Variants in DIAPH2 observed in about 807,000 individuals in gnomAD.
The protein encoded by DIAPH2 is protein diaphanous homolog 2.
DIAPH2 carries 35 observed loss-of-function variants against 92.7 expected under a neutral mutation model. The ratio of observed to expected loss-of-function variants is 0.38; its 90% CI spans 0.29 to 0.50. The LOEUF is 0.50. DIAPH2 is among the 20% of genes least tolerant of loss of function. The pLI, the probability that DIAPH2 is intolerant of heterozygous loss-of-function variation, is 0.94. For missense variants in DIAPH2, 701 were observed against 819.5 expected (o/e 0.86, Z 1.77); for synonymous variants, 301 against 280.4 (o/e 1.07, Z -0.73).
intron 23 of DIAPH2, among the ~76,000 whole-genome samples, chrX:97,284,398 G>A (rs889233626): frequency 7.2e-5 from 8 of 110,496 alleles, no homozygotes; most frequent in African/African-American, 2.6e-4. Context: ...ATCACCTGAG[G>A]TCGGAAGTTC....
chrX:97,225,677 T>C (rs2067959464), intron 22 of DIAPH2, among the ~76,000 whole-genome samples: 1 of 111,713 alleles, frequency 9.0e-6, no homozygotes. Context: ...AATGGACCTA[T>C]TGGGTGTTTA....
intron 25 of DIAPH2, among the ~76,000 whole-genome samples, chrX:97,427,327 T>C (rs2070077597): frequency 8.9e-6 from 1 of 112,002 alleles, no homozygotes; most frequent in South Asian, 3.7e-4. Flanking sequence ...CCCCATATCA[T>C]AGAATTTTCA....
chrX:96,763,608 T>G (rs1260436308), intron 4 of DIAPH2, among the ~76,000 whole-genome samples: 3 of 111,876 alleles, frequency 2.7e-5, no homozygotes, highest in African/African-American at 9.7e-5. Flanking sequence ...TTTTGCTACT[T>G]TGGGCAAGTC....
intron 22 of DIAPH2, among the ~76,000 whole-genome samples, chrX:97,142,725 A>G (rs1056975528): frequency 8.9e-6 from 1 of 112,146 alleles, no homozygotes; most frequent in Non-Finnish European, 1.9e-5. Context: ...ATTATGTGCG[A>G]GAAGAAGTGC....
At chrX:97,377,123 A>G (rs1356472673) in intron 24 of DIAPH2, among the ~76,000 whole-genome samples, 1 of 111,510 alleles carries the variant, frequency 9.0e-6, no homozygotes, top group Non-Finnish European at 1.9e-5. Context: ...CCCACTGGAA[A>G]TCTTCAGGGG....
intron 23 of DIAPH2, among the ~76,000 whole-genome samples, chrX:97,294,542 G>A (rs933983890): frequency 9.0e-6 from 1 of 111,307 alleles, no homozygotes; most frequent in Non-Finnish European, 1.9e-5. Flanking sequence ...TTAGTTACAG[G>A]AGGCAGATTA....
At chrX:97,155,507 GAAA>G (rs61630390) in intron 22 of DIAPH2, among the ~76,000 whole-genome samples, 3 of 95,439 alleles carry the variant, frequency 3.1e-5, no homozygotes, top group Admixed American at 1.2e-4. Flanking sequence ...TCTCAAAAAA[GAAA>G]AAAAAAAAAA....
chrX:97,441,308 G>A (rs1178818644), intron 26 of DIAPH2, among the ~76,000 whole-genome samples: 4 of 109,104 alleles, frequency 3.7e-5, no homozygotes, highest in Non-Finnish European at 7.6e-5. Context: ...CCAGCTACTC[G>A]GGAGGCTGAG....
intron 26 of DIAPH2, among the ~76,000 whole-genome samples, chrX:97,467,569 A>G (rs1159075927): frequency 8.9e-6 from 1 of 112,024 alleles, no homozygotes; most frequent in East Asian, 2.8e-4. Context: ...CCTATTGTAC[A>G]TTTACAAATT....
intron 17 of DIAPH2, among the ~76,000 whole-genome samples, chrX:97,003,476 G>A (rs1017729155): frequency 1.8e-5 from 2 of 112,028 alleles, no homozygotes; most frequent in Admixed American, 9.5e-5. Context: ...GTTATTGCCT[G>A]TCTTTCAGAT....
chrX:97,006,710 T>A (rs767670021), intron 17 of DIAPH2, among the ~76,000 whole-genome samples: 21 of 112,327 alleles, frequency 1.9e-4, no homozygotes, highest in South Asian at 1.8e-3. Context: ...GAGCTTTTTT[T>A]AAAAAACATT....
At chrX:96,786,587 A>G (rs775069197) in intron 4 of DIAPH2, among the ~76,000 whole-genome samples, 4 of 112,246 alleles carry the variant, frequency 3.6e-5, no homozygotes, top group Non-Finnish European at 7.5e-5. Flanking sequence ...CAATGGTTAT[A>G]GCTGTGTTAT....
intron 22 of DIAPH2, among the ~76,000 whole-genome samples, chrX:97,202,154 T>C (rs1186030583): frequency 8.9e-6 from 1 of 111,789 alleles, no homozygotes; most frequent in African/African-American, 3.2e-5. Context: ...CAAGAGCTCC[T>C]GAAGGAAGCA....
In DIAPH2 at chrX:97,582,640, A is replaced by G. The variant is rs1448556011; in HGVS notation, c.3242-16613A>G. Among the ~76,000 whole-genome samples the G allele has an allele frequency of 1.8e-4, 19 of 106,840 alleles. No individual in the cohort carries two copies. In the South Asian group the frequency reaches 8.1e-3, roughly 46 times the overall value. 92.8% of individuals were successfully genotyped at this position (106,840 alleles called of 115,157 possible). On this transcript the variant is annotated intron_variant, in intron 26 of 26. Coordinates refer to ENST00000324765, the MANE Select transcript of DIAPH2 (RefSeq NM_006729.5). ...CTTCATTTCAGCTTTGGTGAATCTG[A>G]CAATTATGTGTCTTGGAGTTGCTCT...
intron 26 of DIAPH2, among the ~76,000 whole-genome samples, chrX:97,517,530 T>C (rs990507942): frequency 8.9e-6 from 1 of 111,903 alleles, no homozygotes; most frequent in Admixed American, 9.5e-5. Context: ...TGATAGTTTT[T>C]CCCAGCTTTT....
intron 23 of DIAPH2, among the ~76,000 whole-genome samples, chrX:97,334,472 A>AAAAAAAAAAC (rs1556028856): frequency 2.4e-5 from 2 of 84,437 alleles, no homozygotes; most frequent in Non-Finnish European, 2.2e-5. Flanking sequence ...CAAAAAAAAA[A>AAAAAAAAAAC]AAAAAACAAA....
chrX:97,275,511 A>G, intron 23 of DIAPH2, among the ~76,000 whole-genome samples: 1 of 99,880 alleles, frequency 1.0e-5, no homozygotes, highest in South Asian at 4.8e-4. Flanking sequence ...GGGGCTCCTC[A>G]CTTCTCAGAC....
At chrX:96,686,182 T>G (rs1483198452) in intron 1 of DIAPH2, among the ~76,000 whole-genome samples, 1 of 112,157 alleles carries the variant, frequency 8.9e-6, no homozygotes, top group Non-Finnish European at 1.9e-5. Flanking sequence ...GATTTCAGCT[T>G]TAACTACCAA....
At chrX:97,164,555 T>G (rs1445262093) in intron 22 of DIAPH2, among the ~76,000 whole-genome samples, 1 of 112,060 alleles carries the variant, frequency 8.9e-6, no homozygotes, top group African/African-American at 3.2e-5. Flanking sequence ...TGCATCAAAT[T>G]TAGAAATGTA....
Sources: allele counts gnomAD v4.1 joint callset (sites outside exome capture counted in the v4.1 genomes callset), GRCh38; gene constraint gnomAD v4.1.1; transcripts MANE v1.5; gene names NCBI Gene and HGNC (gene_info 2026-07-23, HGNC 2026-07-21).